The following SLC39A11 variants were observed in gnomAD, a reference collection of about 807,000 sequenced individuals.
SLC39A11 encodes the protein solute carrier family 39 member 11, also known as zinc transporter ZIP11.
In SLC39A11, 33 loss-of-function variants were observed where a neutral mutation model predicts 36.1. The ratio of observed to expected loss-of-function variants is 0.91; its 90% CI spans 0.69 to 1.22. The LOEUF is 1.22. Ranked by LOEUF, SLC39A11 falls within the 50% of genes most tolerant of loss-of-function variation. The pLI is 0.00. For missense variants in SLC39A11, 432 were observed against 430.3 expected (o/e 1.00, Z -0.03); for synonymous variants, 166 against 170.3 (o/e 0.97, Z 0.20).
At chr17:72,928,335 G>A (rs1026533657) in intron 5 of SLC39A11, among the ~76,000 whole-genome samples, 1 of 152,186 alleles carries the variant, frequency 6.6e-6, no homozygotes, top group Non-Finnish European at 1.5e-5. Flanking sequence ...CGTAAGTTCT[G>A]TACCAAAGAA....
At chr17:72,947,530 T>C in intron 5 of SLC39A11, 1 of 644,522 alleles carries the variant, frequency 1.6e-6, no homozygotes, top group Non-Finnish European at 2.7e-6. Context: ...ACCGTTACCT[T>C]CTGTAGACTA....
At chr17:72,693,152 T>A (rs2072109746) in intron 7 of SLC39A11, among the ~76,000 whole-genome samples, 1 of 152,258 alleles carries the variant, frequency 6.6e-6, no homozygotes, top group South Asian at 2.1e-4. Context: ...AAAGGCAGCC[T>A]CCAATCTAGG....
chr17:72,813,343 T>A (rs999634542), intron 6 of SLC39A11, among the ~76,000 whole-genome samples: 2 of 152,254 alleles, frequency 1.3e-5, no homozygotes, highest in African/African-American at 4.8e-5. Context: ...TTTAAAGTGC[T>A]CTAAAAATTT....
At chr17:72,896,868 C>T (rs1379624467) in intron 5 of SLC39A11, among the ~76,000 whole-genome samples, 17 of 151,654 alleles carry the variant, frequency 1.1e-4, no homozygotes, top group Non-Finnish European at 1.8e-4. Context: ...GCCTGACCAA[C>T]ATGGAGAAAC....
chr17:72,880,108 T>C (rs2081117908), intron 5 of SLC39A11, among the ~76,000 whole-genome samples: 1 of 152,250 alleles, frequency 6.6e-6, no homozygotes, highest in African/African-American at 2.4e-5. Flanking sequence ...TGTGTTGGTC[T>C]GTTACTGCAC....
chr17:73,056,783 C>A (rs2059683311), intron 3 of SLC39A11, among the ~76,000 whole-genome samples: 1 of 152,116 alleles, frequency 6.6e-6, no homozygotes, highest in South Asian at 2.1e-4. Flanking sequence ...GGAACTCCTG[C>A]CAATTTCATG....
intron 5 of SLC39A11, among the ~76,000 whole-genome samples, chr17:72,919,283 T>C: frequency 6.6e-6 from 1 of 151,734 alleles, no homozygotes; most frequent in East Asian, 1.9e-4. Flanking sequence ...AATAAAGCTA[T>C]AGAATAGGAA....
Position 72,900,147 on chromosome 17 carries a change from A to AG in SLC39A11, c.430+47604dup, listed in dbSNP as rs1324906575. Among the ~76,000 whole-genome samples, 150 of 134,522 alleles carry AG rather than the reference A, an allele frequency of 1.1e-3. 18 individuals carry two copies. The highest frequency in any genetic ancestry group is 4.3e-3 in the African/African-American group (142 of 32,738). The allele number at this position is 134,522 out of a possible 152,430, so 88.3% of individuals were successfully genotyped here. On this transcript the variant is annotated intron_variant, in intron 5 of 9. Coordinates refer to ENST00000255559, the MANE Select transcript of SLC39A11 (RefSeq NM_139177.4). ...AAAAGAAAGAAAGAAAGAAAAAGAA[A>AG]GAAAGAAAAGAAAGAAAGAAAGAAA...
intron 7 of SLC39A11, among the ~76,000 whole-genome samples, chr17:72,687,256 G>A (rs2144376909): frequency 6.6e-6 from 1 of 152,030 alleles, no homozygotes; most frequent in Non-Finnish European, 1.5e-5. Context: ...GCAAACTCTT[G>A]GGTAGGAGCA....
intron 6 of SLC39A11, among the ~76,000 whole-genome samples, chr17:72,827,666 A>G (rs540488280): frequency 3.9e-5 from 6 of 152,342 alleles, no homozygotes; most frequent in African/African-American, 7.2e-5. Flanking sequence ...TGAAGGAAAA[A>G]TGCTATTGCC....
chr17:72,819,017 T>A (rs997070527), intron 6 of SLC39A11: 1 of 152,160 alleles, frequency 6.6e-6, no homozygotes, highest in African/African-American at 2.4e-5. Context: ...TAAAATATCC[T>A]CTGCCTAGTC....
chr17:72,776,419 T>C (rs1353624719), intron 6 of SLC39A11, among the ~76,000 whole-genome samples: 1 of 152,218 alleles, frequency 6.6e-6, no homozygotes, highest in African/African-American at 2.4e-5. Context: ...TTTTTTGCAA[T>C]GCTTGACTTT....
At chr17:72,856,269 A>G (rs2146124695) in intron 5 of SLC39A11, among the ~76,000 whole-genome samples, 1 of 152,314 alleles carries the variant, frequency 6.6e-6, no homozygotes, top group African/African-American at 2.4e-5. Context: ...TTATGGGGCA[A>G]ATGACATTTC....
intron 4 of SLC39A11, among the ~76,000 whole-genome samples, chr17:72,955,579 G>T (rs542464283): frequency 1.8e-4 from 27 of 151,820 alleles, no homozygotes; most frequent in Non-Finnish European, 2.9e-5. Context: ...AAAGTGCTGG[G>T]ATTACAGGCG....
At chr17:72,987,630 A>AT (rs2088855244) in intron 4 of SLC39A11, among the ~76,000 whole-genome samples, 1 of 152,244 alleles carries the variant, frequency 6.6e-6, no homozygotes, top group Admixed American at 6.5e-5. Flanking sequence ...TTGCACTAGA[A>AT]TTCTTTAGCA....
chr17:72,659,646 G>T (rs188609955), intron 7 of SLC39A11, among the ~76,000 whole-genome samples: 1 of 142,568 alleles, frequency 7.0e-6, no homozygotes, highest in Non-Finnish European at 1.5e-5. Context: ...GCAGTGGCGC[G>T]ATCTTGGGTC....
intron 6 of SLC39A11, among the ~76,000 whole-genome samples, chr17:72,836,161 C>T (rs1418163818): frequency 6.6e-6 from 1 of 152,186 alleles, no homozygotes; most frequent in Non-Finnish European, 1.5e-5. Flanking sequence ...GTGCTGCAGA[C>T]ATTAACATTT....
chr17:72,836,487 C>T (rs1187277874), intron 6 of SLC39A11, among the ~76,000 whole-genome samples: 2 of 152,002 alleles, frequency 1.3e-5, no homozygotes, highest in Non-Finnish European at 1.5e-5. Flanking sequence ...ACTGCAATCA[C>T]GCGCCACCAT....
intron 3 of SLC39A11, among the ~76,000 whole-genome samples, chr17:73,055,481 G>C (rs1213865868): frequency 6.6e-6 from 1 of 151,672 alleles, no homozygotes; most frequent in Admixed American, 6.6e-5. Flanking sequence ...GCCCAGGCTG[G>C]AGTGCAGTGG....
Sources: gnomAD v4.1 joint callset for allele counts (sites outside exome capture counted in the v4.1 genomes callset) on GRCh38, gnomAD v4.1.1 for gene constraint, MANE v1.5 for transcripts, NCBI Gene and HGNC (gene_info 2026-07-23, HGNC 2026-07-21) for gene names.